RNF215: variants seen among roughly 807,000 people sequenced by gnomAD.
RNF215 encodes the protein ring finger protein 215.
In RNF215, 41 loss-of-function variants were observed where a neutral mutation model predicts 44.8. That is an observed-to-expected ratio of 0.92 (90% confidence interval 0.71 to 1.19). The LOEUF is 1.19. Ranked by LOEUF, RNF215 falls within the 50% of genes most tolerant of loss-of-function variation. The pLI is 0.00. For missense variants in RNF215, 452 were observed against 496.2 expected, an observed-to-expected ratio of 0.91 and a Z score of 0.85; for synonymous variants, 218 against 230.1, an observed-to-expected ratio of 0.95 and a Z score of 0.48.
chr22:30,384,255 G>A, intron 5 of RNF215, 84 bp downstream of exon 5: 1 of 1,415,696 alleles, frequency 7.1e-7, no homozygotes, highest in South Asian at 1.3e-5. Flanking sequence ...GTGGGGAGAA[G>A]CCACAGGATT....
rs942098850 is a variant in RNF215 at position 30,380,456 on chromosome 22, AG to A, written c.745-56del. On this transcript the variant is annotated intron_variant, in intron 5 of 8. Transcript: ENST00000382363. The surrounding 1 kb of genome is among the most constrained non-coding windows in gnomAD (Gnocchi z 5.3). ...GGGGCCACCCCCACACGCCTCCCTT[AG>A]GAACATCTACCCCCAGGAACGCCAG... 368 of 1,542,920 alleles carry A rather than the reference AG, an allele frequency of 2.4e-4. No individual in the cohort carries two copies. The highest frequency in any genetic ancestry group is 3.0e-4 in the Non-Finnish European group (343 of 1,143,738).
chr22:30,384,489 G>T lies in RNF215; in HGVS notation c.594C>A (p.Thr198=). Reference sequence around the variant, plus strand: ...CGCTGGTGATCTCAGCCGTGGCCTGGGTCCTCCTGGGAGGGGAAGTCACCG... The same window carrying T: ...CGCTGGTGATCTCAGCCGTGGCCTGTGTCCTCCTGGGAGGGGAAGTCACCG... The part of the protein sequence containing the change: ...TKLLDALLQR[T]QATAEITSGE... The change falls in exon 5 of 9, where the codon ACC becomes ACA. Residue 198 remains threonine (T), a synonymous_variant. Coordinates refer to ENST00000382363, the MANE Select transcript of RNF215 (RefSeq NM_001017981.2). 1 of 1,613,412 alleles carries T rather than the reference G, an allele frequency of 6.2e-7. No individual in the cohort carries two copies. Among genetic ancestry groups the T allele is most frequent in the Non-Finnish European group, 8.5e-7 (1 of 1,179,622 alleles).
chr22:30,379,946 CT>C, intron 7 of RNF215, 115 bp downstream of exon 7: 1 of 1,550,984 alleles, frequency 6.4e-7, no homozygotes, highest in Non-Finnish European at 8.8e-7. Context: ...AAATTCTGCT[CT>C]GTGGCCCTGG....
intron 5 of RNF215, among the ~76,000 whole-genome samples, chr22:30,381,207 TC>T (rs1933525428): frequency 6.6e-6 from 1 of 152,198 alleles, no homozygotes; most frequent in East Asian, 1.9e-4. Flanking sequence ...TCACACCCGC[TC>T]TACCCAGCGT....
chr22:30,382,463 G>A (rs1372458282), intron 5 of RNF215, among the ~76,000 whole-genome samples: 2 of 151,872 alleles, frequency 1.3e-5, no homozygotes, highest in South Asian at 2.1e-4. Context: ...GATGCCAAGT[G>A]TTGGGTATTG....
chr22:30,381,499 G>T (rs866584053), intron 5 of RNF215, among the ~76,000 whole-genome samples: 1 of 152,190 alleles, frequency 6.6e-6, no homozygotes, highest in Admixed American at 6.5e-5. Flanking sequence ...AGGAGATGGC[G>T]CAGCGGAGTA....
In RNF215 at chr22:30,380,226, C is replaced by T; in HGVS notation, c.865-21G>A. The T allele has an allele frequency of 6.2e-7, 1 of 1,612,556 alleles. No individual in the cohort carries two copies. Among genetic ancestry groups the T allele is most frequent in the Middle Eastern group, 1.7e-4 (1 of 6,060 alleles). On this transcript the variant is annotated intron_variant, in intron 6 of 8. Transcript: ENST00000382363. The surrounding 1 kb of genome is among the most constrained non-coding windows in gnomAD (Gnocchi z 5.3). Reference sequence around the variant, plus strand: ...TCCACCTGTGGGGAGAGGACGGGCACAGTCTTGCAGGTCCAAGGGCTGAGG... The same window carrying T: ...TCCACCTGTGGGGAGAGGACGGGCATAGTCTTGCAGGTCCAAGGGCTGAGG...
chr22:30,379,780 GA>G lies in RNF215; in HGVS notation c.1041del (p.His348ThrfsTer9). 6.4e-7 allele frequency: 1 copy of G among 1,570,690 alleles called. No individual in the cohort carries two copies. Among genetic ancestry groups the G allele is most frequent in the Non-Finnish European group, 8.6e-7 (1 of 1,158,984 alleles). On this transcript the variant is annotated frameshift_variant, in exon 8 of 9. Coordinates refer to ENST00000382363, the MANE Select transcript of RNF215 (RefSeq NM_001017981.2). LOFTEE classifies it high-confidence loss of function. ...WLRVLPCKHE[F>X]HRDCVDPWLM... is the part of the protein sequence containing the mutation. ...AGCCAGGGGTCCACACAGTCTCGGT[GA>G]AACTCGTGCTTACAGGGCAGCACCC...
At chr22:30,385,829 C>G in intron 4 of RNF215, 75 bp downstream of exon 4, 1 of 1,351,022 alleles carries the variant, frequency 7.4e-7, no homozygotes, top group Non-Finnish European at 1.1e-6. Context: ...TGGTCCCAAG[C>G]CCCCTCAGTC....
At position 30,386,748 on chromosome 22, in the gene RNF215, C is replaced by T; in HGVS notation, c.297G>A (p.Val99=). 6.2e-7 allele frequency: 1 copy of T among 1,605,240 alleles called. No individual in the cohort carries two copies. The highest frequency in any genetic ancestry group is 1.1e-5 in the South Asian group (1 of 91,052). The change falls in exon 2 of 9, where the codon GTG becomes GTA. Residue 99 remains valine (V), a synonymous_variant. Transcript: ENST00000382363. ...CCACTGGTGCCTCCTGCTCGGCATC[C>T]ACGATGTCCATCTGTGTGGCAAGGG... ...LGGRLLLMDI[V]DAEQEAPVEG...
chr22:30,379,579 GTGCAGAGTCCAGC>G lies in RNF215; in HGVS notation c.*8_*20del. ...GCAGGCAGGAAGGGTCCATCCCCAT[GTGCAGAGTCCAGC>G]TGGGCAGCTAATCATCGGAGTAGCG... On this transcript the variant is annotated 3_prime_UTR_variant, in exon 9 of 9. Transcript: ENST00000382363. 3 of 1,549,608 alleles carry G rather than the reference GTGCAGAGTCCAGC, an allele frequency of 1.9e-6. No individual in the cohort carries two copies. The Middle Eastern group carries it at 6.0e-4, about 308-fold the overall frequency.
At chr22:30,386,990 G>C (rs1325563272) in intron 1 of RNF215, 39 bp downstream of exon 1, 1 of 1,534,684 alleles carries the variant, frequency 6.5e-7, no homozygotes, top group Admixed American at 2.0e-5. Flanking sequence ...GTTGAGAGAG[G>C]GGTTTAGTGA....
chr22:30,381,966 T>C (rs1170101202), intron 5 of RNF215, among the ~76,000 whole-genome samples: 2 of 152,094 alleles, frequency 1.3e-5, no homozygotes, highest in Non-Finnish European at 2.9e-5. Context: ...CCCAGCAGAG[T>C]GACAGCATGT....
chr22:30,386,927 C>A, intron 1 of RNF215, 102 bp downstream of exon 1: 2 of 1,491,080 alleles, frequency 1.3e-6, no homozygotes, highest in East Asian at 2.5e-5. Flanking sequence ...GCTGGACTCT[C>A]AAGGCTTGGT....
rs759385799 is a variant in RNF215, at chr22:30,385,889, T to C, written c.587+15A>G. 6.2e-7 allele frequency: 1 copy of C among 1,612,906 alleles called. No individual in the cohort carries two copies. The highest frequency in any genetic ancestry group is 1.7e-5 in the Admixed American group (1 of 60,002). On this transcript the variant is annotated intron_variant, in intron 4 of 8. Coordinates refer to ENST00000382363, the MANE Select transcript of RNF215 (RefSeq NM_001017981.2). ...TACCCAGGGTCAGTCCTTTGAAGTC[T>C]AAATACCAACTCACTGCAGCAATGC...
chr22:30,386,161 G>A lies in RNF215; in HGVS notation c.430-20C>T, dbSNP rs910777924. On this transcript the variant is annotated intron_variant, in intron 2 of 8. Transcript: ENST00000382363. ...CCGCATCTGCAGAGGGATAGAAGGC[G>A]AGAGGCTAGCATATACCCTGCCTGC... The A allele has an allele frequency of 1.3e-5, 21 of 1,575,180 alleles. No homozygotes were observed. The highest frequency in any genetic ancestry group is 5.6e-5 in the Admixed American group (3 of 53,768).
intron 5 of RNF215, among the ~76,000 whole-genome samples, chr22:30,383,538 T>C (rs1933555944): frequency 6.6e-6 from 1 of 152,172 alleles, no homozygotes; most frequent in Admixed American, 6.5e-5. Context: ...GAAGCTGCCC[T>C]GCACAGCCCA....
At position 30,385,248 on chromosome 22, in the gene RNF215, C is replaced by T. The variant is rs182606514; in HGVS notation, c.587+656G>A. On this transcript the variant is annotated intron_variant, in intron 4 of 8. Coordinates refer to ENST00000382363, the MANE Select transcript of RNF215 (RefSeq NM_001017981.2). ...CATCCTGGCTAACATGGTGAAACCC[C>T]GTCTCTACTAAAAATACAAAAAAAT... 2.3e-3 allele frequency among the ~76,000 whole-genome samples: 355 copies of T among 151,246 alleles called. 1 individual carries two copies. The highest frequency in any genetic ancestry group is 7.9e-3 in the African/African-American group (326 of 41,202).
chr22:30,384,494 T>C lies in RNF215; in HGVS notation c.589A>G (p.Arg197Gly). ...VTKLLDALLQ[R>G]TQATAEITSG... ...GTGATCTCAGCCGTGGCCTGGGTCC[T>C]CCTGGGAGGGGAAGTCACCGGGGCC... The change falls in exon 5 of 9, where the codon AGG becomes GGG. Residue 197 changes from arginine to glycine, a missense_variant and splice_region_variant. Physicochemically the swap from Arg to Gly is moderately radical, Grantham distance 125. Transcript: ENST00000382363. 6.2e-7 allele frequency: 1 copy of C among 1,613,210 alleles called. No individual in the cohort carries two copies.
Sources: allele counts gnomAD v4.1 joint callset (sites outside exome capture counted in the v4.1 genomes callset), GRCh38; gene constraint gnomAD v4.1.1; non-coding constraint Gnocchi (gnomAD v3.1); transcripts MANE v1.5; gene names NCBI Gene and HGNC (gene_info 2026-07-23, HGNC 2026-07-21).